The following TAFA5 variants were observed in gnomAD, a reference collection of about 807,000 sequenced individuals.
TAFA5 encodes TAFA chemokine like family member 5.
A neutral mutation model predicts 15.3 loss-of-function variants in TAFA5; 6 were observed. That is an observed-to-expected ratio of 0.39 (90% CI 0.21 to 0.77). The LOEUF is 0.77. Ranked by LOEUF, TAFA5 falls within the 30% of genes least tolerant of loss-of-function variation. TAFA5 has a pLI of 0.41. For synonymous variants in TAFA5, 103 were observed against 80.7 expected (o/e 1.28, Z -1.48); for missense variants, 161 against 193.1 (o/e 0.83, Z 0.98).
At chr22:48,577,302 T>G (rs572605903) in intron 1 of TAFA5, among the ~76,000 whole-genome samples, 1 of 152,214 alleles carries the variant, frequency 6.6e-6, no homozygotes, top group South Asian at 2.1e-4. Flanking sequence ...TGATGGGCGG[T>G]CGGTCGGCTC....
At chr22:48,579,677 G>A (rs908458706) in intron 1 of TAFA5, among the ~76,000 whole-genome samples, 1 of 152,186 alleles carries the variant, frequency 6.6e-6, no homozygotes, top group Non-Finnish European at 1.5e-5. Context: ...TATTTTTCTG[G>A]AAGTCTTGAG....
chr22:48,569,081 A>G (rs1181384448), intron 1 of TAFA5, among the ~76,000 whole-genome samples: 2 of 151,966 alleles, frequency 1.3e-5, no homozygotes, highest in Admixed American at 1.3e-4. Context: ...AGGAACCCTC[A>G]CTGGCCGTGG....
intron 2 of TAFA5, among the ~76,000 whole-genome samples, chr22:48,703,221 G>C (rs777646192): frequency 1.4e-5 from 2 of 147,348 alleles, no homozygotes; most frequent in African/African-American, 2.6e-5. Flanking sequence ...TGATGTGTAC[G>C]TGTGTGTGTT....
chr22:48,504,530 G>T (rs1920974939), intron 1 of TAFA5, among the ~76,000 whole-genome samples: 1 of 152,142 alleles, frequency 6.6e-6, no homozygotes, highest in Non-Finnish European at 1.5e-5. Context: ...CGGGCACCTT[G>T]CTGGGGGACG....
chr22:48,661,367 G>A (rs1927433808), intron 2 of TAFA5, among the ~76,000 whole-genome samples: 1 of 152,210 alleles, frequency 6.6e-6, no homozygotes, highest in Admixed American at 6.5e-5. Context: ...AGGCTGGGCT[G>A]AATGGTGTGC....
intron 1 of TAFA5, among the ~76,000 whole-genome samples, chr22:48,630,748 G>A (rs1009855227): frequency 4.6e-5 from 7 of 152,314 alleles, no homozygotes; most frequent in Admixed American, 2.6e-4. Context: ...AATCACGGGG[G>A]CGATGAGCCC....
At chr22:48,700,120 A>G (rs1392672674) in intron 2 of TAFA5, among the ~76,000 whole-genome samples, 1 of 152,178 alleles carries the variant, frequency 6.6e-6, no homozygotes, top group African/African-American at 2.4e-5. Context: ...CCTCCAGATC[A>G]CACTTAAGAC....
At chr22:48,605,532 C>G (rs1925162544) in intron 1 of TAFA5, among the ~76,000 whole-genome samples, 1 of 151,770 alleles carries the variant, frequency 6.6e-6, no homozygotes, top group Non-Finnish European at 1.5e-5. Flanking sequence ...GTGATAGGGC[C>G]TACTTTTTTA....
intron 3 of TAFA5, among the ~76,000 whole-genome samples, chr22:48,732,376 C>G (rs11703737): frequency 0.53 from 80,236 of 151,520 alleles, 22,350 homozygotes; most frequent in Non-Finnish European, 0.62. Flanking sequence ...CCTGCCTCAG[C>G]CTCCCGAGTA....
chr22:48,542,564 G>GGTGT lies in TAFA5; in HGVS notation c.112+52866_112+52869dup, dbSNP rs151287754. 1.4e-3 allele frequency among the ~76,000 whole-genome samples: 126 copies of GGTGT among 91,404 alleles called. 2 individuals are homozygous for GGTGT. The highest frequency in any genetic ancestry group is 0.013 in the Middle Eastern group (1 of 76). The allele number at this position is 91,404 out of a possible 152,430, so 60.0% of individuals were successfully genotyped here. On this transcript the variant is annotated intron_variant, in intron 1 of 3. Coordinates refer to ENST00000402357, the MANE Select transcript of TAFA5 (RefSeq NM_001082967.3). ...GTGTGTGTGATGTGTATGTGTGTGT[G>GGTGT]GTGTGTGTGGTGTGTGTGCGGGTGT... is the stretch of plus-strand genomic sequence containing the variant.
chr22:48,654,363 C>T (rs903215491), intron 2 of TAFA5, among the ~76,000 whole-genome samples: 6 of 152,308 alleles, frequency 3.9e-5, no homozygotes, highest in East Asian at 1.9e-4. Context: ...GCCCACTGCA[C>T]GTGGGATGCA....
In TAFA5 at chr22:48,729,291, A is replaced by ATTTTATATTTATTTATAAATATATAATAT. The variant is rs1569096802; in HGVS notation, c.391-20533_391-20505dup. On this transcript the variant is annotated intron_variant, in intron 3 of 3. Transcript: ENST00000402357. ...TATATTTATTTATAAATATATAATA[A>ATTTTATATTTATTTATAAATATATAATAT]TTTTATATTTATTTATAAATATATA... Among the ~76,000 whole-genome samples the ATTTTATATTTATTTATAAATATATAATAT allele has an allele frequency of 3.3e-3, 116 of 35,672 alleles. 1 individual carries two copies. The highest frequency in any genetic ancestry group is 0.016 in the Middle Eastern group (1 of 64). The allele number at this position is 35,672 out of a possible 152,430, so 23.4% of individuals were successfully genotyped here.
At chr22:48,514,962 G>A (rs78839760) in intron 1 of TAFA5, among the ~76,000 whole-genome samples, 4,731 of 152,352 alleles carry the variant, frequency 0.031, 121 homozygotes, top group Middle Eastern at 0.085. Flanking sequence ...TCCAAAGTTG[G>A]ACATGGCACG....
At chr22:48,624,959 CA>C (rs1048229726) in intron 1 of TAFA5, among the ~76,000 whole-genome samples, 2 of 151,898 alleles carry the variant, frequency 1.3e-5, no homozygotes, top group East Asian at 1.9e-4. Context: ...AACAAACAAA[CA>C]AAAAAACATC....
At chr22:48,713,861 C>G (rs924334939) in intron 3 of TAFA5, among the ~76,000 whole-genome samples, 40 of 152,232 alleles carry the variant, frequency 2.6e-4, no homozygotes, top group African/African-American at 8.4e-4. Context: ...CGTGAGGTCT[C>G]TTCGTTCTCG....
At chr22:48,747,376 T>C (rs1307691126) in intron 3 of TAFA5, among the ~76,000 whole-genome samples, 2 of 152,180 alleles carry the variant, frequency 1.3e-5, no homozygotes. Flanking sequence ...GTGACCTGGC[T>C]CTGCACCTTC....
intron 1 of TAFA5, among the ~76,000 whole-genome samples, chr22:48,580,057 G>A (rs760066876): frequency 8.5e-5 from 13 of 152,208 alleles, no homozygotes; most frequent in South Asian, 2.1e-4. Flanking sequence ...TGCGTCCAGC[G>A]GCCGCGGCAC....
chr22:48,614,267 C>T (rs73889181), intron 1 of TAFA5, among the ~76,000 whole-genome samples: 15 of 152,344 alleles, frequency 9.8e-5, no homozygotes, highest in African/African-American at 3.4e-4. Flanking sequence ...TGAAGAGAAT[C>T]ACACTGCAGA....
At chr22:48,720,998 C>T (rs575740731) in intron 3 of TAFA5, among the ~76,000 whole-genome samples, 2 of 152,188 alleles carry the variant, frequency 1.3e-5, no homozygotes. Context: ...ATGAGGAACC[C>T]GAGTGGCCCC....
Sources: allele counts gnomAD v4.1 joint callset (sites outside exome capture counted in the v4.1 genomes callset), GRCh38; gene constraint gnomAD v4.1.1; transcripts MANE v1.5; gene names NCBI Gene and HGNC (gene_info 2026-07-23, HGNC 2026-07-21).